SRC: variants seen among roughly 807,000 people sequenced by gnomAD.
SRC encodes SRC proto-oncogene, non-receptor tyrosine kinase.
SRC carries 13 observed loss-of-function variants against 62.9 expected under a neutral mutation model. The observed-to-expected ratio is 0.21, with a 90% CI of 0.13 to 0.33. SRC has a LOEUF of 0.33. Ranked by LOEUF, SRC falls within the 10% of genes least tolerant of loss-of-function variation. The probability of loss-of-function intolerance (pLI) is 1.00; values close to 1 mark genes in which losing one functional copy is unlikely to be tolerated. For missense variants in SRC, 457 were observed against 737.3 expected (o/e 0.62, Z 4.40); for synonymous variants, 302 against 317.5 (o/e 0.95, Z 0.52).
chr20:37,384,550 T>TGGGGGGGCGGGGGGGG lies in SRC; in HGVS notation c.250+157_250+158insGGGGGGGGGGGGGCGG. 17 of 162,630 alleles carry TGGGGGGGCGGGGGGGG rather than the reference T, an allele frequency of 1.0e-4. No individual in the cohort carries two copies. The highest frequency in any genetic ancestry group is 2.1e-3 in the Middle Eastern group (1 of 480). The allele number at this position is 162,630 out of a possible 1,614,324, so 10.1% of individuals were successfully genotyped here. A position where few individuals can be genotyped will look rare whatever the true frequency, so the allele number is the denominator to read the frequency against. ...CTGGGTGACTTGGGTGTCCGGGGGG[T>TGGGGGGGCGGGGGGGG]GGGGGGGCGGCCGTACACACTGTGA... On this transcript the variant is annotated intron_variant, in intron 4 of 13. Coordinates refer to ENST00000373578, the MANE Select transcript of SRC (RefSeq NM_198291.3). The surrounding 1 kb of genome is among the most constrained non-coding windows in gnomAD (Gnocchi z 6.7).
intron 1 of SRC, among the ~76,000 whole-genome samples, chr20:37,363,346 C>T (rs1270403721): frequency 6.6e-6 from 1 of 152,232 alleles, no homozygotes; most frequent in East Asian, 1.9e-4. Flanking sequence ...GGAACACACT[C>T]TGGCCAGACC....
intron 1 of SRC, 27 bp downstream of exon 1, chr20:37,346,282 C>CCCCCCGCCCCGGCCAGCGCGGGGGAG (rs1305847711): frequency 6.7e-6 from 1 of 148,922 alleles, no homozygotes; most frequent in African/African-American, 2.5e-5. Context: ...CCTCCGCGGA[C>CCCCCCGCCCCGGCCAGCGCGGGGGAG]CCCCCGCCCC....
chr20:37,386,301 C>A, intron 5 of SRC, 127 bp downstream of exon 5: 1 of 959,132 alleles, frequency 1.0e-6, no homozygotes, highest in Non-Finnish European at 1.7e-6. Context: ...AAGCCCAGGG[C>A]AGTGTGGAGG....
rs948406027 is a variant in SRC at position 37,406,027 on chromosome 20, TAAA to T, written c.*2651_*2653del. On this transcript the variant is annotated 3_prime_UTR_variant, in exon 14 of 14. Coordinates refer to ENST00000373578, the MANE Select transcript of SRC (RefSeq NM_198291.3). ...AACTCTGGCCACGACATTGCTTAAT[TAAA>T]AACAAATTTCAAAAACTGGACATTT... 5.9e-5 allele frequency: 9 copies of T among 152,260 alleles called. No individual in the cohort carries two copies. The highest frequency in any genetic ancestry group is 2.2e-4 in the African/African-American group (9 of 41,438). 9.4% of individuals were successfully genotyped at this position (152,260 alleles called of 1,614,324 possible). A position where few individuals can be genotyped will look rare whatever the true frequency, so the allele number is the denominator to read the frequency against.
chr20:37,387,523 C>A (rs898853758), intron 5 of SRC, among the ~76,000 whole-genome samples: 1 of 135,606 alleles, frequency 7.4e-6, no homozygotes, highest in Middle Eastern at 4.0e-3. Flanking sequence ...GAAGCAGCAA[C>A]TTTCTGCCCT....
chr20:37,369,618 G>A (rs1055926140), intron 2 of SRC, among the ~76,000 whole-genome samples: 15 of 151,954 alleles, frequency 9.9e-5, no homozygotes, highest in African/African-American at 3.6e-4. Context: ...TAATCTGGAT[G>A]CCTTATGTTT....
rs139982681 is a variant in SRC at position 37,371,948 on chromosome 20, C to G, written c.-173+6671C>G. On this transcript the variant is annotated intron_variant, in intron 2 of 13. Coordinates refer to ENST00000373578, the MANE Select transcript of SRC (RefSeq NM_198291.3). The stretch of plus-strand genomic sequence containing the variant: ...GAACTCCTGACCTCCAATCCGCCCC[C>G]CCTTGGTCTCCCAAAGTGCTAGGAT... Among the ~76,000 whole-genome samples the G allele has an allele frequency of 1.2e-3, 182 of 152,236 alleles. 1 individual carries two copies. The highest frequency in any genetic ancestry group is 3.4e-3 in the Middle Eastern group (1 of 294).
chr20:37,359,388 G>A (rs1406048364), intron 1 of SRC, among the ~76,000 whole-genome samples: 1 of 152,260 alleles, frequency 6.6e-6, no homozygotes, highest in African/African-American at 2.4e-5. Context: ...TGCACACACA[G>A]CCCGTAAGAA....
At chr20:37,362,908 C>T (rs1600965702) in intron 1 of SRC, among the ~76,000 whole-genome samples, 1 of 152,146 alleles carries the variant, frequency 6.6e-6, no homozygotes, top group African/African-American at 2.4e-5. Context: ...CCCATTTTGC[C>T]GCTGAGGAAA....
At chr20:37,391,523 G>A (rs6124933) in intron 5 of SRC, among the ~76,000 whole-genome samples, 1 of 152,058 alleles carries the variant, frequency 6.6e-6, no homozygotes, top group Non-Finnish European at 1.5e-5. Flanking sequence ...TGGGCAAGTC[G>A]CTGCACCTCT....
rs2070816621 is a variant in SRC at position 37,405,539 on chromosome 20, CAAGG to C, written c.*2161_*2164del. On this transcript the variant is annotated 3_prime_UTR_variant, in exon 14 of 14. Transcript: ENST00000373578. The stretch of plus-strand genomic sequence containing the variant: ...CACTAGTAGCTGGAGGGCTTCAGGC[CAAGG>C]CAGGGGTGACATCAGATTGGAGACA... The C allele has an allele frequency of 5.6e-6, 1 of 178,208 alleles. No homozygotes were observed. Among genetic ancestry groups the C allele is most frequent in the Non-Finnish European group, 1.2e-5 (1 of 82,984 alleles). 11.0% of individuals were successfully genotyped at this position (178,208 alleles called of 1,614,324 possible). A position where few individuals can be genotyped will look rare whatever the true frequency, so the allele number is the denominator to read the frequency against.
intron 9 of SRC, among the ~76,000 whole-genome samples, chr20:37,399,103 C>G (rs961842254): frequency 6.6e-6 from 1 of 152,240 alleles, no homozygotes; most frequent in Non-Finnish European, 1.5e-5. Context: ...TTACTGAGCC[C>G]TCACGGTGGG....
rs78568197 is a variant in SRC, at chr20:37,390,215, G to A, written c.351-3680G>A. Among the ~76,000 whole-genome samples the A allele has an allele frequency of 3.5e-3, 526 of 152,278 alleles. 3 individuals are homozygous for A. Among genetic ancestry groups the A allele is most frequent in the African/African-American group, 0.011 (451 of 41,544 alleles). On this transcript the variant is annotated intron_variant, in intron 5 of 13. Coordinates refer to ENST00000373578, the MANE Select transcript of SRC (RefSeq NM_198291.3). The stretch of plus-strand genomic sequence containing the variant: ...ATGAGGAAACTAAGACTCAGAGAGG[G>A]CAGGGTACTTGCCCAAGATCACACA...
intron 1 of SRC, among the ~76,000 whole-genome samples, chr20:37,346,831 GC>G (rs1459107171): frequency 6.6e-6 from 1 of 152,220 alleles, no homozygotes; most frequent in Non-Finnish European, 1.5e-5. Context: ...CCTGCCCACA[GC>G]CCCCAGCCTC....
Position 37,384,035 on chromosome 20 carries a change from C to T in SRC, c.-4-115C>T. 1.4e-6 allele frequency: 2 copies of T among 1,440,408 alleles called. No individual in the cohort carries two copies. The highest frequency in any genetic ancestry group is 3.9e-4 in the Middle Eastern group (2 of 5,116). The allele number at this position is 1,440,408 out of a possible 1,614,324, so 89.2% of individuals were successfully genotyped here. A position where few individuals can be genotyped will look rare whatever the true frequency, so the allele number is the denominator to read the frequency against. ...ACAGGCGTGAGCCACCGCGCCCGGC[C>T]CTGCTGCCTCTCCTTGGGCCTCGTT... On this transcript the variant is annotated intron_variant, in intron 3 of 13. Coordinates refer to ENST00000373578, the MANE Select transcript of SRC (RefSeq NM_198291.3). This position sits in a 1 kb window ranked among gnomAD's most constrained non-coding sequence, Gnocchi z 6.7.
chr20:37,372,695 T>A (rs1458729975), intron 2 of SRC, among the ~76,000 whole-genome samples: 1 of 152,226 alleles, frequency 6.6e-6, no homozygotes, highest in Non-Finnish European at 1.5e-5. Flanking sequence ...ATTTATCTTA[T>A]GAGTGAGGTT....
Position 37,402,185 on chromosome 20 carries a change from C to T in SRC, c.1117-250C>T, listed in dbSNP as rs1375128951. 10 of 451,060 alleles carry T rather than the reference C, an allele frequency of 2.2e-5. No individual in the cohort carries two copies. Among genetic ancestry groups the T allele is most frequent in the Non-Finnish European group, 3.1e-5 (8 of 254,592 alleles). 27.9% of individuals were successfully genotyped at this position (451,060 alleles called of 1,614,324 possible). On this transcript the variant is annotated intron_variant, in intron 11 of 13. Transcript: ENST00000373578. The surrounding 1 kb of genome is among the most constrained non-coding windows in gnomAD (Gnocchi z 6.2). ...CCTGGTCACCTCGCTTTCCTGGCTG[C>T]ATCGGATCTCGTGCCTCCCCTTTGA...
intron 1 of SRC, among the ~76,000 whole-genome samples, chr20:37,356,397 T>C (rs2069882179): frequency 6.6e-6 from 1 of 152,066 alleles, no homozygotes; most frequent in East Asian, 1.9e-4. Context: ...GGGTAGTGTC[T>C]GGGTCAGGGT....
chr20:37,347,937 G>A (rs142524586), intron 1 of SRC, among the ~76,000 whole-genome samples: 257 of 152,328 alleles, frequency 1.7e-3, no homozygotes, highest in African/African-American at 6.1e-3. Flanking sequence ...CAGCAGTGTC[G>A]GAAAAGACTG....
Sources: allele counts gnomAD v4.1 joint callset (sites outside exome capture counted in the v4.1 genomes callset), GRCh38; gene constraint gnomAD v4.1.1; non-coding constraint Gnocchi (gnomAD v3.1); transcripts MANE v1.5; gene names NCBI Gene and HGNC (gene_info 2026-07-23, HGNC 2026-07-21).